The following PRKD3 variants were observed in gnomAD, a reference collection of about 807,000 sequenced individuals.
PRKD3 encodes protein kinase D3, also known as serine/threonine-protein kinase D3.
Under a neutral mutation model 99.2 loss-of-function variants are expected in PRKD3, and 47 were observed. The ratio of observed to expected loss-of-function variants is 0.47; its 90% CI spans 0.38 to 0.60. The LOEUF (loss-of-function observed/expected upper bound fraction) is 0.60. Among genes scored for constraint, PRKD3 ranks in the 20% least tolerant of loss-of-function variants. The pLI is 0.00. For synonymous variants in PRKD3, 392 were observed against 355.4 expected (o/e 1.10, Z -1.16); for missense variants, 1,019 against 1,088.4 (o/e 0.94, Z 0.90).
At chr2:37,295,634 T>G (rs1383671403) in intron 2 of PRKD3, among the ~76,000 whole-genome samples, 2 of 152,206 alleles carry the variant, frequency 1.3e-5, no homozygotes, top group Non-Finnish European at 2.9e-5. Flanking sequence ...ATCAGTTTCT[T>G]GTTTATAAAA....
intron 17 of PRKD3, 125 bp from the exon 18 acceptor site, chr2:37,254,414 C>A: frequency 3.0e-6 from 2 of 677,174 alleles, no homozygotes; most frequent in African/African-American, 1.8e-5. Flanking sequence ...TTCTCAAGGA[C>A]GTGGACTTTT....
chr2:37,287,116 G>A (rs1670134273), intron 5 of PRKD3, among the ~76,000 whole-genome samples: 1 of 151,548 alleles, frequency 6.6e-6, no homozygotes, highest in African/African-American at 2.4e-5. Flanking sequence ...TGTAATCCCA[G>A]CTACTCGGGA....
rs201915821 is a variant in PRKD3, at chr2:37,279,946, T to A, written c.989-17A>T. 2 of 1,551,472 alleles carry A rather than the reference T, an allele frequency of 1.3e-6. No homozygotes were observed. The highest frequency in any genetic ancestry group is 1.8e-6 in the Non-Finnish European group (2 of 1,141,546). ...TGGAAGGTTCTGGGAAAATTTTAAA[T>A]GAATTTCAGAGTTTTATATTAATAG... On this transcript the variant is annotated splice_polypyrimidine_tract_variant and intron_variant, in intron 7 of 18. Transcript: ENST00000234179.
At chr2:37,292,268 G>A (rs1173709294) in intron 3 of PRKD3, among the ~76,000 whole-genome samples, 2 of 152,124 alleles carry the variant, frequency 1.3e-5, no homozygotes, top group Non-Finnish European at 2.9e-5. Context: ...TCAGAGAAGA[G>A]TATATTTCTT....
intron 12 of PRKD3, among the ~76,000 whole-genome samples, chr2:37,269,934 A>G: frequency 6.6e-6 from 1 of 152,196 alleles, no homozygotes; most frequent in East Asian, 1.9e-4. Context: ...CATTTTAAAA[A>G]TCTTGTATTT....
At chr2:37,292,078 T>A (rs1216048950) in intron 3 of PRKD3, among the ~76,000 whole-genome samples, 2 of 152,146 alleles carry the variant, frequency 1.3e-5, no homozygotes, top group East Asian at 1.9e-4. Context: ...AGAGCATTTT[T>A]AATTTTAAAG....
chr2:37,269,892 T>G (rs1669109655), intron 12 of PRKD3, among the ~76,000 whole-genome samples: 1 of 152,204 alleles, frequency 6.6e-6, no homozygotes, highest in Non-Finnish European at 1.5e-5. Context: ...GTATAATGTA[T>G]TGTGCAAGAC....
intron 8 of PRKD3, chr2:37,278,756 G>C (rs537366821): frequency 7.2e-5 from 11 of 152,296 alleles, no homozygotes; most frequent in Non-Finnish European, 2.9e-5. Context: ...GGCCAACATG[G>C]TGAAACCCCG....
intron 2 of PRKD3, among the ~76,000 whole-genome samples, chr2:37,295,009 A>C (rs6755577): frequency 0.033 from 4,994 of 152,330 alleles, 106 homozygotes; most frequent in Non-Finnish European, 0.048. Context: ...TGGGAGACAG[A>C]GGTTGCTGTG....
At position 37,275,776 on chromosome 2, in the gene PRKD3, C is replaced by T. The variant is rs1421207409; in HGVS notation, c.1365G>A (p.Lys455=). The stretch of plus-strand genomic sequence containing the variant: ...AGTGTAAAATCCTTACCTTATAATA[C>T]TTTGATCCAGATTCATTCTGAAATA... ...LTLFQNESGS[K]YYKEIPLSEI... Residue 455 remains lysine (K), a synonymous_variant, in exon 10 of 19, where the codon AAG becomes AAA. Coordinates refer to ENST00000234179, the MANE Select transcript of PRKD3 (RefSeq NM_005813.6). The T allele has an allele frequency of 5.6e-6, 9 of 1,608,110 alleles. No homozygotes were observed. Among genetic ancestry groups the T allele is most frequent in the African/African-American group, 1.3e-5 (1 of 74,708 alleles).
chr2:37,286,991 G>A (rs1296516463), intron 5 of PRKD3, among the ~76,000 whole-genome samples: 3 of 151,974 alleles, frequency 2.0e-5, no homozygotes, highest in Non-Finnish European at 4.4e-5. Flanking sequence ...AACACTTTGG[G>A]AGGCCGAGGT....
At chr2:37,271,008 C>A (rs1669221662) in intron 12 of PRKD3, among the ~76,000 whole-genome samples, 1 of 152,136 alleles carries the variant, frequency 6.6e-6, no homozygotes, top group South Asian at 2.1e-4. Flanking sequence ...GCTGTCTATT[C>A]TACCTCTCAA....
Position 37,316,507 on chromosome 2 carries a change from G to A in PRKD3, c.18C>T (p.Ser6=). The A allele has an allele frequency of 6.2e-7, 1 of 1,613,064 alleles. No homozygotes were observed. Among genetic ancestry groups the A allele is most frequent in the Non-Finnish European group, 8.5e-7 (1 of 1,179,346 alleles). The change falls in exon 2 of 19, where the codon TCC becomes TCT. Residue 6 remains serine, a synonymous_variant. Coordinates refer to ENST00000234179, the MANE Select transcript of PRKD3 (RefSeq NM_005813.6). MSANN[S]PPSAQKSVLP... ...ATACAGACTTCTGGGCTGATGGAGG[G>A]GAATTATTTGCAGACATCTGCCTTT...
chr2:37,257,728 T>A (rs952526544), intron 16 of PRKD3, among the ~76,000 whole-genome samples: 1 of 151,522 alleles, frequency 6.6e-6, no homozygotes, highest in Non-Finnish European at 1.5e-5. Context: ...TTGTTTTGCT[T>A]AATCCTAGAA....
rs774596429 is a variant in PRKD3, at chr2:37,272,369, C to T, written c.1704+11G>A. The T allele has an allele frequency of 1.2e-5, 19 of 1,603,738 alleles. No individual in the cohort carries two copies. The highest frequency in any genetic ancestry group is 2.2e-5 in the East Asian group (1 of 44,652). ...CACCCAGTTTACACATTAGCTATAACGATTACTTACCACATTCTCCTGAAT... is the reference window on the plus strand; with the variant it reads ...CACCCAGTTTACACATTAGCTATAATGATTACTTACCACATTCTCCTGAAT... On this transcript the variant is annotated intron_variant, in intron 12 of 18. Transcript: ENST00000234179.
intron 10 of PRKD3, 45 bp downstream of exon 10, chr2:37,275,718 AACAT>A: frequency 6.5e-7 from 1 of 1,527,728 alleles, no homozygotes. Flanking sequence ...ATCTGAAAAA[AACAT>A]ACACTATCTT....
chr2:37,269,443 G>A, intron 13 of PRKD3, 172 bp downstream of exon 13: 5 of 607,690 alleles, frequency 8.2e-6, no homozygotes, highest in East Asian at 5.6e-5. Flanking sequence ...ATGACATTAA[G>A]GGAAGAATAC....
intron 17 of PRKD3, 53 bp downstream of exon 17, chr2:37,256,609 C>G (rs1332199689): frequency 4.8e-6 from 7 of 1,444,120 alleles, no homozygotes; most frequent in Non-Finnish European, 6.3e-6. Flanking sequence ...GATGTTTAGG[C>G]TTAAAACACA....
intron 2 of PRKD3, among the ~76,000 whole-genome samples, chr2:37,306,483 T>C (rs1201217733): frequency 6.6e-6 from 1 of 152,202 alleles, no homozygotes; most frequent in Non-Finnish European, 1.5e-5. Context: ...ACATTAACTA[T>C]ATCCATACTC....
Sources: gnomAD v4.1 joint callset for allele counts (sites outside exome capture counted in the v4.1 genomes callset) on GRCh38, gnomAD v4.1.1 for gene constraint, MANE v1.5 for transcripts, NCBI Gene and HGNC (gene_info 2026-07-23, HGNC 2026-07-21) for gene names.